The following RASGRP3 variants were observed in gnomAD, a reference collection of about 807,000 sequenced individuals.
RASGRP3 encodes the protein RAS guanyl releasing protein 3.
RASGRP3 carries 54 observed loss-of-function variants against 82.7 expected under a neutral mutation model. The observed-to-expected ratio is 0.65, with a 90% CI of 0.52 to 0.82. RASGRP3 has a LOEUF of 0.82. Among genes scored for constraint, RASGRP3 ranks in the 40% least tolerant of loss-of-function variants. The pLI is 0.00. For missense variants in RASGRP3, 861 were observed against 828.9 expected (o/e 1.04, Z -0.48); for synonymous variants, 309 against 300.5 (o/e 1.03, Z -0.29).
At chr2:33,540,638 T>G (rs1402336795) in intron 12 of RASGRP3, among the ~76,000 whole-genome samples, 2 of 140,162 alleles carry the variant, frequency 1.4e-5, no homozygotes, top group Non-Finnish European at 3.2e-5. Flanking sequence ...TCTCTCTCTC[T>G]CTGTCTCATT....
chr2:33,457,355 T>A lies in RASGRP3; in HGVS notation c.-261+9412T>A, dbSNP rs569179098. Reference sequence around the variant, plus strand: ...GTGGATATATGTTTATGGTTTGTTGTCACTGCAGATATTTTATGTGCATTT... The same window carrying A: ...GTGGATATATGTTTATGGTTTGTTGACACTGCAGATATTTTATGTGCATTT... On this transcript the variant is annotated intron_variant, in intron 2 of 18. Coordinates refer to the RASGRP3 transcript ENST00000402538. Among the ~76,000 whole-genome samples, 23 of 152,340 alleles carry A rather than the reference T, an allele frequency of 1.5e-4. No homozygotes were observed. The South Asian group carries it at 4.8e-3, about 32-fold the overall frequency.
rs1676226696 is a variant in RASGRP3, at chr2:33,558,201, A to G, written c.1580-10A>G. ...CACTAATCATCTGCGACACCCTTGG[A>G]ATTTTTCAGACTGTGGAGCCAATTG... On this transcript the variant is annotated splice_polypyrimidine_tract_variant and intron_variant, in intron 15 of 17. Transcript: ENST00000403687. 6.2e-7 allele frequency: 1 copy of G among 1,608,944 alleles called. No homozygotes were observed. The highest frequency in any genetic ancestry group is 8.5e-7 in the Non-Finnish European group (1 of 1,177,696).
At chr2:33,482,388 A>T (rs1009464230) in intron 1 of RASGRP3, 1 of 152,152 alleles carries the variant, frequency 6.6e-6, no homozygotes, top group Admixed American at 6.5e-5. Context: ...GTCAAGTTGG[A>T]GTTATACCAA....
At chr2:33,516,483 T>G (rs191925095) in intron 3 of RASGRP3, 59 bp from the exon 4 acceptor site, 109 of 1,188,598 alleles carry the variant, frequency 9.2e-5, no homozygotes, top group Non-Finnish European at 1.2e-4. Flanking sequence ...CTACTGATGT[T>G]AGAAAAAGTA....
At chr2:33,539,263 C>G (rs1189093380) in intron 12 of RASGRP3, 53 bp downstream of exon 12, 1 of 1,347,518 alleles carries the variant, frequency 7.4e-7, no homozygotes, top group Non-Finnish European at 1.0e-6. Context: ...CTTTCTCTTT[C>G]CAGAATGTTC....
At chr2:33,509,473 G>A (rs1296952413) in intron 1 of RASGRP3, among the ~76,000 whole-genome samples, 2 of 152,066 alleles carry the variant, frequency 1.3e-5, no homozygotes, top group East Asian at 1.9e-4. Flanking sequence ...TTTGGATAAA[G>A]GATATACTCC....
intron 1 of RASGRP3, among the ~76,000 whole-genome samples, chr2:33,479,718 C>A (rs6543716): frequency 0.3 from 45,494 of 151,904 alleles, 8,896 homozygotes; most frequent in African/African-American, 0.56. Flanking sequence ...GACTGTCTCA[C>A]GGGTGGGCCA....
At chr2:33,539,240 G>A (rs753141210) in intron 12 of RASGRP3, 30 bp downstream of exon 12, 71 of 1,470,134 alleles carry the variant, frequency 4.8e-5, no homozygotes, top group Middle Eastern at 1.7e-4. Context: ...TAAAGAGAGG[G>A]CACTAGAAGA....
At chr2:33,537,078 G>C (rs1673687506) in intron 11 of RASGRP3, among the ~76,000 whole-genome samples, 1 of 152,012 alleles carries the variant, frequency 6.6e-6, no homozygotes, top group Non-Finnish European at 1.5e-5. Flanking sequence ...GGATGGTGAA[G>C]GCAGAGGTTT....
At chr2:33,460,202 TAAA>T (rs1292010340) in intron 2 of RASGRP3, among the ~76,000 whole-genome samples, 1 of 152,144 alleles carries the variant, frequency 6.6e-6, no homozygotes, top group African/African-American at 2.4e-5. Context: ...ATGCAACTAT[TAAA>T]AAGAATAAAT....
chr2:33,490,773 TCTTTC>T (rs1668776677), intron 1 of RASGRP3, among the ~76,000 whole-genome samples: 1 of 152,194 alleles, frequency 6.6e-6, no homozygotes, highest in Non-Finnish European at 1.5e-5. Context: ...GCATCTCAGA[TCTTTC>T]CCTGGAGCTC....
chr2:33,517,404 C>T (rs974817067), intron 4 of RASGRP3, among the ~76,000 whole-genome samples: 3 of 152,146 alleles, frequency 2.0e-5, no homozygotes, highest in African/African-American at 7.2e-5. Flanking sequence ...GCCCATGAGG[C>T]CCTGGAGATG....
chr2:33,549,796 G>A, intron 14 of RASGRP3, 45 bp downstream of exon 14: 1 of 1,564,590 alleles, frequency 6.4e-7, no homozygotes, highest in Non-Finnish European at 8.7e-7. Flanking sequence ...AGTTATTTGT[G>A]TGGCATTCTG....
intron 1 of RASGRP3, among the ~76,000 whole-genome samples, chr2:33,492,586 T>C (rs994773504): frequency 6.6e-6 from 1 of 152,206 alleles, no homozygotes; most frequent in African/African-American, 2.4e-5. Context: ...CTGATAGGGC[T>C]GGTGTCCTTA....
chr2:33,554,505 C>T (rs1284984534), intron 14 of RASGRP3, among the ~76,000 whole-genome samples: 1 of 151,482 alleles, frequency 6.6e-6, no homozygotes, highest in Non-Finnish European at 1.5e-5. Flanking sequence ...TGGACTCTTG[C>T]TCTGTTGCCC....
chr2:33,523,034 T>A (rs966732401), intron 7 of RASGRP3, among the ~76,000 whole-genome samples: 1 of 152,240 alleles, frequency 6.6e-6, no homozygotes, highest in African/African-American at 2.4e-5. Context: ...TCAATTAATT[T>A]TTTTTCTTCT....
intron 1 of RASGRP3, among the ~76,000 whole-genome samples, chr2:33,494,472 G>A (rs1334532953): frequency 6.6e-6 from 1 of 152,140 alleles, no homozygotes; most frequent in African/African-American, 2.4e-5. Context: ...TTATCCTACA[G>A]GAAATTATCC....
intron 11 of RASGRP3, among the ~76,000 whole-genome samples, chr2:33,535,212 G>A (rs1054076412): frequency 2.0e-5 from 3 of 152,152 alleles, no homozygotes; most frequent in African/African-American, 7.2e-5. Context: ...GATGGCAGAC[G>A]CTTAGTAAAT....
At chr2:33,562,463 G>T (rs757061204) in intron 17 of RASGRP3, among the ~76,000 whole-genome samples, 1 of 151,478 alleles carries the variant, frequency 6.6e-6, no homozygotes, top group Non-Finnish European at 1.5e-5. Flanking sequence ...TAGAGACGGG[G>T]TCTTGCTATA....
Sources: gnomAD v4.1 joint callset for allele counts (sites outside exome capture counted in the v4.1 genomes callset) on GRCh38, gnomAD v4.1.1 for gene constraint, MANE v1.5 for transcripts, NCBI Gene and HGNC (gene_info 2026-07-23, HGNC 2026-07-21) for gene names.